CRTC3: variants seen among roughly 807,000 people sequenced by gnomAD.
CRTC3 encodes the protein CREB regulated transcription coactivator 3.
A neutral mutation model predicts 74.5 loss-of-function variants in CRTC3; 26 were observed. The ratio of observed to expected loss-of-function variants is 0.35; its 90% CI spans 0.26 to 0.48. The LOEUF is 0.48. CRTC3 is among the 20% of genes least tolerant of loss of function. CRTC3 has a pLI of 0.99. For missense variants in CRTC3, 760 were observed against 787.3 expected (o/e 0.97, Z 0.41); for synonymous variants, 377 against 325.8 (o/e 1.16, Z -1.69).
At chr15:90,636,776 T>C (rs1183502639) in intron 11 of CRTC3, among the ~76,000 whole-genome samples, 1 of 152,174 alleles carries the variant, frequency 6.6e-6, no homozygotes, top group Non-Finnish European at 1.5e-5. Context: ...AAGAAGACAT[T>C]TATGCAGCTA....
At chr15:90,625,666 G>C in intron 9 of CRTC3, 110 bp from the exon 10 acceptor site, 2 of 983,182 alleles carry the variant, frequency 2.0e-6, no homozygotes, top group Non-Finnish European at 3.2e-6. Context: ...CAGGACCTCG[G>C]TCTTTTGTAG....
intron 2 of CRTC3, among the ~76,000 whole-genome samples, chr15:90,556,966 A>AGC (rs1333276010): frequency 6.4e-5 from 1 of 15,744 alleles, no homozygotes; most frequent in African/African-American, 1.1e-4. Flanking sequence ...GGCTATATAT[A>AGC]TATATATATA....
At chr15:90,608,354 C>T (rs1336695798) in intron 6 of CRTC3, among the ~76,000 whole-genome samples, 9 of 152,134 alleles carry the variant, frequency 5.9e-5, no homozygotes, top group Non-Finnish European at 8.8e-5. Context: ...TCCTGTCTGC[C>T]TCTCTCCCTT....
At chr15:90,555,313 A>G (rs774794399) in intron 2 of CRTC3, among the ~76,000 whole-genome samples, 23 of 152,188 alleles carry the variant, frequency 1.5e-4, no homozygotes, top group Non-Finnish European at 3.4e-4. Flanking sequence ...TATTATATTA[A>G]GCAGCTACTG....
chr15:90,589,508 C>T (rs1274675468), intron 2 of CRTC3, among the ~76,000 whole-genome samples: 1 of 152,192 alleles, frequency 6.6e-6, no homozygotes, highest in Non-Finnish European at 1.5e-5. Context: ...AGGTGCACAT[C>T]ACCACACCAG....
chr15:90,582,918 C>T (rs530922774), intron 2 of CRTC3, among the ~76,000 whole-genome samples: 1 of 152,340 alleles, frequency 6.6e-6, no homozygotes, highest in African/African-American at 2.4e-5. Flanking sequence ...GAAGCTCTGC[C>T]TGAGACATAG....
intron 2 of CRTC3, among the ~76,000 whole-genome samples, chr15:90,558,912 C>T (rs553603358): frequency 2.6e-5 from 4 of 151,864 alleles, no homozygotes; most frequent in East Asian, 1.9e-4. Flanking sequence ...CTACCACGCC[C>T]GGCTAATTTT....
At chr15:90,597,362 A>G (rs1000886441) in intron 3 of CRTC3, among the ~76,000 whole-genome samples, 2 of 94,124 alleles carry the variant, frequency 2.1e-5, no homozygotes, top group African/African-American at 6.3e-5. Flanking sequence ...TGACACGCTC[A>G]GAAGGAAACA....
chr15:90,534,976 A>G (rs1966693310), intron 1 of CRTC3, among the ~76,000 whole-genome samples: 1 of 152,134 alleles, frequency 6.6e-6, no homozygotes, highest in African/African-American at 2.4e-5. Context: ...CCTGACCAAC[A>G]TGGAGAAACC....
intron 13 of CRTC3, among the ~76,000 whole-genome samples, chr15:90,640,580 G>A (rs1969401552): frequency 1.3e-5 from 2 of 152,148 alleles, no homozygotes; most frequent in African/African-American, 4.8e-5. Flanking sequence ...TATTTGGGAG[G>A]CTAAGGTGGA....
intron 2 of CRTC3, among the ~76,000 whole-genome samples, chr15:90,555,735 C>T (rs1966882702): frequency 6.6e-6 from 1 of 152,008 alleles, no homozygotes; most frequent in Admixed American, 6.6e-5. Context: ...CAGGCTGGTC[C>T]GAAACTCCTG....
chr15:90,574,405 G>A (rs1332281734), intron 2 of CRTC3, among the ~76,000 whole-genome samples: 1 of 152,176 alleles, frequency 6.6e-6, no homozygotes, highest in Non-Finnish European at 1.5e-5. Flanking sequence ...TTGAACCTGA[G>A]AGGCGGAGGT....
intron 1 of CRTC3, among the ~76,000 whole-genome samples, chr15:90,535,746 T>A (rs866722318): frequency 2.0e-5 from 3 of 152,336 alleles, no homozygotes; most frequent in South Asian, 2.1e-4. Context: ...AGGTTTGGGC[T>A]AAATATTGAG....
intron 2 of CRTC3, among the ~76,000 whole-genome samples, chr15:90,563,123 G>T (rs1001754835): frequency 2.6e-5 from 4 of 152,058 alleles, no homozygotes; most frequent in African/African-American, 7.2e-5. Flanking sequence ...AAAGTTAAAC[G>T]GGCTGGGCAT....
At chr15:90,616,996 C>G (rs780463233) in intron 7 of CRTC3, among the ~76,000 whole-genome samples, 8 of 152,140 alleles carry the variant, frequency 5.3e-5, no homozygotes, top group Non-Finnish European at 1.0e-4. Context: ...CTCCTCATCC[C>G]TCTTCTTCCA....
intron 7 of CRTC3, among the ~76,000 whole-genome samples, chr15:90,617,496 A>G (rs1596128888): frequency 1.3e-5 from 2 of 152,284 alleles, no homozygotes; most frequent in East Asian, 3.9e-4. Flanking sequence ...TTGTTCAGCC[A>G]AAGGTAGGTA....
intron 2 of CRTC3, among the ~76,000 whole-genome samples, chr15:90,583,957 A>G (rs890027842): frequency 2.6e-5 from 4 of 152,060 alleles, no homozygotes; most frequent in African/African-American, 9.7e-5. Context: ...ACCCCAAGGC[A>G]GTGTGAATTA....
chr15:90,627,564 C>G (rs578122085), intron 10 of CRTC3, among the ~76,000 whole-genome samples: 3 of 151,850 alleles, frequency 2.0e-5, no homozygotes, highest in Non-Finnish European at 2.9e-5. Context: ...GTTGTCTTCT[C>G]AAAAAAGCAC....
chr15:90,533,292 T>G (rs1966661743), intron 1 of CRTC3, among the ~76,000 whole-genome samples: 1 of 149,686 alleles, frequency 6.7e-6, no homozygotes, highest in Non-Finnish European at 1.5e-5. Context: ...TAGTCCCAGC[T>G]ACTCGGGAGG....
Sources: gnomAD v4.1 joint callset for allele counts (sites outside exome capture counted in the v4.1 genomes callset) on GRCh38, gnomAD v4.1.1 for gene constraint, MANE v1.5 for transcripts, NCBI Gene and HGNC (gene_info 2026-07-23, HGNC 2026-07-21) for gene names.